Variants in RPSA2 observed in about 807,000 individuals in gnomAD.
The protein encoded by RPSA2 is small ribosomal subunit protein uS2B.
chr19:23,758,803 G>C, the RPSA2 span: 1 of 1,613,556 alleles, frequency 6.2e-7, no homozygotes, highest in African/African-American at 1.3e-5. Flanking sequence ...AATACCTGCA[G>C]GTCAGAGGGC....
At chr19:23,867,772 G>A in the RPSA2 span, among the ~76,000 whole-genome samples, 15 of 149,958 alleles carry the variant, frequency 1.0e-4, no homozygotes, top group South Asian at 2.3e-3. Flanking sequence ...AGAGCTTGCA[G>A]TGAGCAGAGA....
the RPSA2 span, among the ~76,000 whole-genome samples, chr19:23,764,275 A>G: frequency 6.6e-6 from 1 of 152,144 alleles, no homozygotes. Context: ...AGCTTAACTA[A>G]GGCTTGCAGT....
chr19:23,870,578 A>G, the RPSA2 span, among the ~76,000 whole-genome samples: 1 of 152,212 alleles, frequency 6.6e-6, no homozygotes, highest in Non-Finnish European at 1.5e-5. Flanking sequence ...AGCCTTCTTT[A>G]GAAGCCTGGA....
the RPSA2 span, among the ~76,000 whole-genome samples, chr19:23,768,679 G>A: frequency 8.1e-6 from 1 of 123,294 alleles, no homozygotes; most frequent in Admixed American, 8.9e-5. Context: ...CCTTCACCTC[G>A]CAGGTTCAAG....
chr19:23,782,910 G>C, the RPSA2 span, among the ~76,000 whole-genome samples: 4 of 151,990 alleles, frequency 2.6e-5, no homozygotes, highest in Non-Finnish European at 5.9e-5. Context: ...TGTTTGCCTA[G>C]GCCATCCCCT....
At chr19:23,848,792 G>C in the RPSA2 span, among the ~76,000 whole-genome samples, 4 of 152,190 alleles carry the variant, frequency 2.6e-5, 1 homozygote. Flanking sequence ...TTGATGCCTT[G>C]TTGAGAATTC....
the RPSA2 span, among the ~76,000 whole-genome samples, chr19:23,779,396 C>T: frequency 2.0e-5 from 3 of 152,128 alleles, no homozygotes; most frequent in East Asian, 5.9e-4. Context: ...CTGGGCCTAA[C>T]ACCTAGGTGA....
the RPSA2 span, among the ~76,000 whole-genome samples, chr19:23,867,841 A>C: frequency 6.6e-6 from 1 of 152,086 alleles, no homozygotes; most frequent in African/African-American, 2.4e-5. Context: ...AAAAAAAAAA[A>C]AAAAAAAGGA....
chr19:23,855,579 GAGAC>G, the RPSA2 span, among the ~76,000 whole-genome samples: 1 of 152,224 alleles, frequency 6.6e-6, no homozygotes, highest in African/African-American at 2.4e-5. Flanking sequence ...GCAGGAACAT[GAGAC>G]AGAGTCAGCA....
At chr19:23,840,104 TG>T in the RPSA2 span, among the ~76,000 whole-genome samples, 24,269 of 152,178 alleles carry the variant, frequency 0.16, 2,049 homozygotes, top group Middle Eastern at 0.23. Flanking sequence ...AGAGAAAAAA[TG>T]GTTGATTCTC....
chr19:23,796,674 T>G, the RPSA2 span, among the ~76,000 whole-genome samples: 1 of 152,104 alleles, frequency 6.6e-6, no homozygotes, highest in Non-Finnish European at 1.5e-5. Flanking sequence ...TTGTTCATTC[T>G]TGGAAGGATG....
the RPSA2 span, among the ~76,000 whole-genome samples, chr19:23,860,237 T>C: frequency 6.6e-6 from 1 of 152,214 alleles, no homozygotes; most frequent in Non-Finnish European, 1.5e-5. Flanking sequence ...CCAACATCTC[T>C]TATTGTCTCA....
the RPSA2 span, among the ~76,000 whole-genome samples, chr19:23,855,895 C>G: frequency 2.6e-5 from 4 of 151,958 alleles, no homozygotes; most frequent in Non-Finnish European, 5.9e-5. Flanking sequence ...AGGCAAAGAC[C>G]GCAAAGGTTT....
chr19:23,868,640 G>C, the RPSA2 span, among the ~76,000 whole-genome samples: 1 of 152,216 alleles, frequency 6.6e-6, no homozygotes, highest in African/African-American at 2.4e-5. Flanking sequence ...GCAAGTGTTA[G>C]AGGAAATTAG....
the RPSA2 span, among the ~76,000 whole-genome samples, chr19:23,772,673 C>T: frequency 7.2e-5 from 11 of 152,114 alleles, no homozygotes; most frequent in Non-Finnish European, 1.5e-4. Context: ...ATGCACACCT[C>T]GCCAACCATT....
At chr19:23,758,790 G>A in the RPSA2 span, 10 of 1,613,836 alleles carry the variant, frequency 6.2e-6, no homozygotes, top group African/African-American at 1.3e-5. Flanking sequence ...GCTATGGATC[G>A]CCAATACCTG....
chr19:23,792,584 TG>T, the RPSA2 span, among the ~76,000 whole-genome samples: 2 of 11,586 alleles, frequency 1.7e-4, no homozygotes, highest in Non-Finnish European at 5.3e-4. Context: ...TTTTTGTTTT[TG>T]TTTTTGTTTT....
chr19:23,832,805 A>T, the RPSA2 span: 1 of 1,576,386 alleles, frequency 6.3e-7, no homozygotes, highest in Non-Finnish European at 8.7e-7. Flanking sequence ...AAACCCTACA[A>T]ATGTGAAGAA....
At chr19:23,810,403 AAAAAAAAAAAAAAAAAAGGG>A in the RPSA2 span, among the ~76,000 whole-genome samples, 5 of 5,702 alleles carry the variant, frequency 8.8e-4, 1 homozygote, top group South Asian at 0.33. Flanking sequence ...CCAAAAAAAA[AAAAAAAAAAAAAAAAAAGGG>A]AAAAGGGCTT....
Sources: gnomAD v4.1 joint callset for allele counts (sites outside exome capture counted in the v4.1 genomes callset) on GRCh38, gnomAD v4.1.1 for gene constraint, MANE v1.5 for transcripts, NCBI Gene and HGNC (gene_info 2026-07-23, HGNC 2026-07-21) for gene names.